The following NKX6-3 variants were observed in gnomAD, a reference collection of about 807,000 sequenced individuals.
The protein encoded by NKX6-3 is homeobox protein Nkx-6.3.
Under a neutral mutation model 22.0 loss-of-function variants are expected in NKX6-3, and 17 were observed. That is an observed-to-expected ratio of 0.77 (90% CI 0.53 to 1.16). The LOEUF (loss-of-function observed/expected upper bound fraction) is 1.16. NKX6-3 is among the 50% of genes most tolerant of loss of function. The probability of loss-of-function intolerance (pLI) is 0.00; values close to 1 mark genes in which losing one functional copy is unlikely to be tolerated. For missense variants in NKX6-3, 363 were observed against 359.0 expected, an observed-to-expected ratio of 1.01 and a Z score of -0.09; for synonymous variants, 177 against 167.2, an observed-to-expected ratio of 1.06 and a Z score of -0.45.
chr8:41,646,770 A>G (rs1252830306), intron 2 of NKX6-3, 76 bp from the exon 3 acceptor site: 1 of 1,495,056 alleles, frequency 6.7e-7, no homozygotes, highest in Admixed American at 2.6e-5. Context: ...CTGCTTTTAC[A>G]GCTAAACAAA....
At chr8:41,646,927 C>T (rs1374590983) in intron 2 of NKX6-3, among the ~76,000 whole-genome samples, 1 of 16,990 alleles carries the variant, frequency 5.9e-5, no homozygotes, top group Non-Finnish European at 1.4e-4. Context: ...CCCCCTCTCC[C>T]TCCCCCTCCC....
In NKX6-3 at chr8:41,650,141, C is replaced by T. The variant is rs1178088514; in HGVS notation, c.352G>A (p.Asp118Asn). Residue 118 changes from aspartate (D) to asparagine (N), a missense_variant, in exon 1 of 3, where the codon GAC becomes AAC. Transcript: ENST00000518699. ...CTGCACTGCCGCCCGCCTCGCCAGT[C>T]TTGGCCCGTGTCCGCCCAGCAGTTC... is the stretch of plus-strand genomic sequence containing the variant. ...TRNCWADTGQ[D>N]WRGGRQCSNT... 1 of 1,535,560 alleles carries T rather than the reference C, an allele frequency of 6.5e-7. No homozygotes were observed.
At chr8:41,650,024 G>T in intron 1 of NKX6-3, 87 bp downstream of exon 1, 2 of 1,390,312 alleles carry the variant, frequency 1.4e-6, no homozygotes, top group Non-Finnish European at 1.9e-6. Flanking sequence ...CGGAGGTGCA[G>T]GGTGCCCGGG....
At chr8:41,646,748 A>G (rs1804213569) in intron 2 of NKX6-3, 54 bp from the exon 3 acceptor site, 2 of 1,513,886 alleles carry the variant, frequency 1.3e-6, no homozygotes, top group East Asian at 4.9e-5. Context: ...ACGGGACGCG[A>G]GAACAGCCAT....
Position 41,648,046 on chromosome 8 carries a change from C to T in NKX6-3, c.552+20G>A. On this transcript the variant is annotated intron_variant, in intron 2 of 2. Transcript: ENST00000518699. Reference sequence around the variant, plus strand: ...AGGCTCCTCCCTGCAGGGCAGGTGCCATCTCCCGCACAGACTTACCTTGAC... The same window carrying T: ...AGGCTCCTCCCTGCAGGGCAGGTGCTATCTCCCGCACAGACTTACCTTGAC... The T allele has an allele frequency of 6.6e-7, 1 of 1,513,234 alleles. No individual in the cohort carries two copies. The highest frequency in any genetic ancestry group is 8.9e-7 in the Non-Finnish European group (1 of 1,129,352). 93.7% of individuals were successfully genotyped at this position (1,513,234 alleles called of 1,614,324 possible).
At chr8:41,647,365 C>G (rs73674902) in intron 2 of NKX6-3, 55,319 of 1,546,828 alleles carry the variant, frequency 0.036, 1,379 homozygotes, top group African/African-American at 0.12. Context: ...TCCTTAGGCC[C>G]GTCGCCGAGT....
rs1294718132 is a variant in NKX6-3, at chr8:41,645,461, T to A, written c.*988A>T. ...GCCGTGGTTCAGCCCCTTCCTGGCA[T>A]CCTCCACCCAGCCGGAGGGGCTGTC... On this transcript the variant is annotated 3_prime_UTR_variant, in exon 3 of 3. Coordinates refer to ENST00000518699, the MANE Select transcript of NKX6-3 (RefSeq NM_001364841.2). 1.3e-5 allele frequency: 2 copies of A among 152,256 alleles called. No individual in the cohort carries two copies. The highest frequency in any genetic ancestry group is 4.8e-5 in the African/African-American group (2 of 41,464). 9.4% of individuals were successfully genotyped at this position (152,256 alleles called of 1,614,324 possible). A position where few individuals can be genotyped will look rare whatever the true frequency, so the allele number is the denominator to read the frequency against.
chr8:41,649,286 T>C (rs1045059486), intron 1 of NKX6-3, among the ~76,000 whole-genome samples: 3 of 152,184 alleles, frequency 2.0e-5, no homozygotes, highest in South Asian at 2.1e-4. Flanking sequence ...CAAGCCCCCA[T>C]TGGCGTAGGA....
In NKX6-3 at chr8:41,646,279, C is replaced by A. The variant is rs1804197622; in HGVS notation, c.*170G>T. ...TTCCCTCCTTTTCCTCCTCCTCCCCCGCCTCCCCTCCTCCTCCCCTGCACC... is the reference window on the plus strand; with the variant it reads ...TTCCCTCCTTTTCCTCCTCCTCCCCAGCCTCCCCTCCTCCTCCCCTGCACC... On this transcript the variant is annotated 3_prime_UTR_variant, in exon 3 of 3. Coordinates refer to ENST00000518699, the MANE Select transcript of NKX6-3 (RefSeq NM_001364841.2). 2 of 879,326 alleles carry A rather than the reference C, an allele frequency of 2.3e-6. No individual in the cohort carries two copies. The highest frequency in any genetic ancestry group is 3.4e-6 in the Non-Finnish European group (2 of 588,694). The allele number at this position is 879,326 out of a possible 1,614,324, so 54.5% of individuals were successfully genotyped here. A position where few individuals can be genotyped will look rare whatever the true frequency, so the allele number is the denominator to read the frequency against.
chr8:41,648,226 G>C lies in NKX6-3; in HGVS notation c.392C>G (p.Pro131Arg). 6.5e-7 allele frequency: 1 copy of C among 1,535,722 alleles called. No homozygotes were observed. The highest frequency in any genetic ancestry group is 8.7e-7 in the Non-Finnish European group (1 of 1,146,116). The change falls in exon 2 of 3, where the codon CCC (proline) becomes CGC (arginine). Residue 131 changes from proline to arginine, a missense_variant. Transcript: ENST00000518699. The part of the protein sequence containing the change: ...GGRQCSNTPD[P>R]LSDSIHKKKH... ...CTTCTTGTGTATGCTGTCACTCAGG[G>C]GGTCTGGGGCTGGCAGGAGGAAGGA...
chr8:41,650,169 G>A lies in NKX6-3; in HGVS notation c.324C>T (p.Thr108=), dbSNP rs1208273142. Residue 108 remains threonine, a synonymous_variant, in exon 1 of 3, where the codon ACC becomes ACT. Coordinates refer to ENST00000518699, the MANE Select transcript of NKX6-3 (RefSeq NM_001364841.2). The part of the protein sequence containing the change: ...SKAGNEYPTR[T]RNCWADTGQD... ...GGCCCGTGTCCGCCCAGCAGTTCCG[G>A]GTCCGGGTCGGGTACTCGTTCCCAG... 1.3e-6 allele frequency: 2 copies of A among 1,535,632 alleles called. No individual in the cohort carries two copies. Among genetic ancestry groups the A allele is most frequent in the Non-Finnish European group, 1.7e-6 (2 of 1,146,658 alleles).
Position 41,650,102 on chromosome 8 carries a change from C to T in NKX6-3, c.382+9G>A, listed in dbSNP as rs1188073060. The T allele has an allele frequency of 1.0e-5, 16 of 1,529,722 alleles. No homozygotes were observed. The East Asian group carries it at 2.0e-4, about 19-fold the overall frequency. The allele number at this position is 1,529,722 out of a possible 1,614,324, so 94.8% of individuals were successfully genotyped here. A position where few individuals can be genotyped will look rare whatever the true frequency, so the allele number is the denominator to read the frequency against. ...TGCCGGGAGGTGGCTGGGGAGGACCCGTACTCACTGTTGCTGCACTGCCGC... is the reference window on the plus strand; with the variant it reads ...TGCCGGGAGGTGGCTGGGGAGGACCTGTACTCACTGTTGCTGCACTGCCGC... On this transcript the variant is annotated intron_variant, in intron 1 of 2. Coordinates refer to ENST00000518699, the MANE Select transcript of NKX6-3 (RefSeq NM_001364841.2).
At position 41,650,673 on chromosome 8, in the gene NKX6-3, G is replaced by C. The variant is rs1804301751; in HGVS notation, c.-181C>G. On this transcript the variant is annotated 5_prime_UTR_variant, in exon 1 of 3. Coordinates refer to ENST00000518699, the MANE Select transcript of NKX6-3 (RefSeq NM_001364841.2). ...GAACCGGCACCCGATCAGCTGCTCG[G>C]AAGTCAGGTGCTCGGGGCAGGTGGG... The C allele has an allele frequency of 3.2e-6, 2 of 625,200 alleles. No individual in the cohort carries two copies. The highest frequency in any genetic ancestry group is 5.4e-6 in the Non-Finnish European group (2 of 367,382). The allele number at this position is 625,200 out of a possible 1,614,324, so 38.7% of individuals were successfully genotyped here. A position where few individuals can be genotyped will look rare whatever the true frequency, so the allele number is the denominator to read the frequency against.
Position 41,646,550 on chromosome 8 carries a change from T to C in NKX6-3, c.697A>G (p.Lys233Glu), listed in dbSNP as rs1804205642. Residue 233 changes from lysine (K) to glutamate (E), a missense_variant, in exon 3 of 3, where the codon AAG (lysine) becomes GAG (glutamate). Transcript: ENST00000518699. ...PSENEDDEYN[K>E]PLDPDSDDEK... ...TCGTCCGAGTCGGGGTCCAGCGGCT[T>C]GTTGTACTCGTCGTCCTCGTTCTCC... The C allele has an allele frequency of 1.9e-6, 3 of 1,610,904 alleles. No individual in the cohort carries two copies. The highest frequency in any genetic ancestry group is 2.5e-6 in the Non-Finnish European group (3 of 1,178,844).
Position 41,646,304 on chromosome 8 carries a change from C to CTGCT in NKX6-3, c.*141_*144dup. ...CGCCTCCCCTCCTCCTCCCCTGCAC[C>CTGCT]TGCTGCTCCTCCTCCACGCGCCCCT... On this transcript the variant is annotated 3_prime_UTR_variant, in exon 3 of 3. Coordinates refer to ENST00000518699, the MANE Select transcript of NKX6-3 (RefSeq NM_001364841.2). 1 of 1,121,926 alleles carries CTGCT rather than the reference C, an allele frequency of 8.9e-7. No individual in the cohort carries two copies. 69.5% of individuals were successfully genotyped at this position (1,121,926 alleles called of 1,614,324 possible).
chr8:41,646,872 GC>G (rs1236748079), intron 2 of NKX6-3, among the ~76,000 whole-genome samples, 178 bp from the exon 3 acceptor site: 1 of 28,018 alleles, frequency 3.6e-5, no homozygotes, highest in South Asian at 2.1e-3. Flanking sequence ...CCTCCCCTCC[GC>G]CCCCCGCCCC....
Position 41,650,207 on chromosome 8 carries a change from T to C in NKX6-3, c.286A>G (p.Asn96Asp), listed in dbSNP as rs1361895585. Residue 96 changes from asparagine to aspartate, a missense_variant, in exon 1 of 3, where the codon AAT becomes GAT. By Grantham distance (23) the Asn-to-Asp change is conservative. Transcript: ENST00000518699. ...QGVYYSPQVG[N>D]FSKAGNEYPT... The stretch of plus-strand genomic sequence containing the variant: ...TACTCGTTCCCAGCCTTGGAAAAAT[T>C]CCCTACCTGGGGGCTGTAGTAGACC... 1.3e-6 allele frequency: 2 copies of C among 1,534,406 alleles called. No individual in the cohort carries two copies. The highest frequency in any genetic ancestry group is 1.7e-6 in the Non-Finnish European group (2 of 1,146,204).
chr8:41,650,165 T>G lies in NKX6-3; in HGVS notation c.328A>C (p.Asn110His), dbSNP rs548904915. 8.0e-4 allele frequency: 1,231 copies of G among 1,535,532 alleles called. 9 individuals carry two copies. In the African/African-American group the frequency reaches 0.015, roughly 18 times the overall value. Residue 110 changes from asparagine (N) to histidine (H), a missense_variant, in exon 1 of 3, where the codon AAC (asparagine) becomes CAC (histidine). Physicochemically the swap from Asn to His is moderately conservative, Grantham distance 68. Coordinates refer to ENST00000518699, the MANE Select transcript of NKX6-3 (RefSeq NM_001364841.2). ...TCTTGGCCCGTGTCCGCCCAGCAGT[T>G]CCGGGTCCGGGTCGGGTACTCGTTC... ...AGNEYPTRTR[N>H]CWADTGQDWR... is the part of the protein sequence containing the mutation.
chr8:41,648,051 C>G lies in NKX6-3; in HGVS notation c.552+15G>C, dbSNP rs1350801862. 2 of 1,523,114 alleles carry G rather than the reference C, an allele frequency of 1.3e-6. No individual in the cohort carries two copies. 94.3% of individuals were successfully genotyped at this position (1,523,114 alleles called of 1,614,324 possible). A position where few individuals can be genotyped will look rare whatever the true frequency, so the allele number is the denominator to read the frequency against. On this transcript the variant is annotated intron_variant, in intron 2 of 2. Coordinates refer to ENST00000518699, the MANE Select transcript of NKX6-3 (RefSeq NM_001364841.2). ...CCTCCCTGCAGGGCAGGTGCCATCT[C>G]CCGCACAGACTTACCTTGACCTGCG...
Sources: gnomAD v4.1 joint callset for allele counts (sites outside exome capture counted in the v4.1 genomes callset) on GRCh38, gnomAD v4.1.1 for gene constraint, MANE v1.5 for transcripts, NCBI Gene and HGNC (gene_info 2026-07-23, HGNC 2026-07-21) for gene names.